Variants in RPAP2 observed in about 807,000 individuals in gnomAD.
RPAP2 encodes the protein putative RNA polymerase II subunit B1 CTD phosphatase RPAP2.
A neutral mutation model predicts 73.1 loss-of-function variants in RPAP2; 52 were observed. The observed-to-expected ratio is 0.71, with a 90% CI of 0.57 to 0.90. The LOEUF is 0.90. RPAP2 is among the 40% of genes least tolerant of loss of function. The pLI is 0.00. For synonymous variants in RPAP2, 225 were observed against 242.1 expected (o/e 0.93, Z 0.65); for missense variants, 598 against 701.8 (o/e 0.85, Z 1.67).
chr1:92,397,008 G>A lies in RPAP2; in HGVS notation c.*9997G>A, dbSNP rs1448735379. On this transcript the variant is annotated 3_prime_UTR_variant, in exon 13 of 13. Coordinates refer to ENST00000610020, the MANE Select transcript of RPAP2 (RefSeq NM_024813.3). ...CACTTAAAACAGGTAAAGTTTATGT[G>A]TATAAATTATACCTTAATAAAGCTA... The A allele has an allele frequency of 2.0e-5, 3 of 152,140 alleles. No individual in the cohort carries two copies. The highest frequency in any genetic ancestry group is 4.4e-5 in the Non-Finnish European group (3 of 68,034). The allele number at this position is 152,140 out of a possible 1,614,324, so 9.4% of individuals were successfully genotyped here.
Position 92,375,077 on chromosome 1 carries a change from G to C in RPAP2, c.1689-5647G>C, listed in dbSNP as rs905403951. On this transcript the variant is annotated intron_variant, in intron 11 of 12. Coordinates refer to ENST00000610020, the MANE Select transcript of RPAP2 (RefSeq NM_024813.3). ...CTGGAAAACATAAAGATTATATATAGACCTTATTCAATTTTGAATGTAAAT... is the reference window on the plus strand; with the variant it reads ...CTGGAAAACATAAAGATTATATATACACCTTATTCAATTTTGAATGTAAAT... 2.0e-5 allele frequency among the ~76,000 whole-genome samples: 3 copies of C among 152,028 alleles called. No individual in the cohort carries two copies. The South Asian group carries it at 6.2e-4, about 32-fold the overall frequency.
chr1:92,375,869 G>A (rs1412475466), intron 11 of RPAP2, among the ~76,000 whole-genome samples: 3 of 150,852 alleles, frequency 2.0e-5, no homozygotes, highest in Non-Finnish European at 3.0e-5. Flanking sequence ...GTGTGGTGGC[G>A]CTCACCTGTA....
intron 11 of RPAP2, among the ~76,000 whole-genome samples, chr1:92,371,700 A>G (rs1394568750): frequency 2.6e-5 from 4 of 151,818 alleles, no homozygotes; most frequent in African/African-American, 9.7e-5. Flanking sequence ...AAATACAAAT[A>G]CTGCACAATC....
intron 11 of RPAP2, among the ~76,000 whole-genome samples, chr1:92,372,215 G>C (rs1655186198): frequency 2.0e-5 from 3 of 152,072 alleles, no homozygotes; most frequent in Admixed American, 2.0e-4. Flanking sequence ...AGAATGAAAA[G>C]AATTTCCTCT....
At chr1:92,299,413 G>A (rs555542118) in intron 1 of RPAP2, among the ~76,000 whole-genome samples, 24 of 152,222 alleles carry the variant, frequency 1.6e-4, no homozygotes, top group Non-Finnish European at 3.1e-4. Context: ...TGGAGGCCCC[G>A]GGAACCCAGG....
chr1:92,299,428 G>T (rs1650621144), intron 1 of RPAP2, among the ~76,000 whole-genome samples: 1 of 152,126 alleles, frequency 6.6e-6, no homozygotes, highest in African/African-American at 2.4e-5. Context: ...CCCAGGCCTG[G>T]GGTCCCCGGG....
At chr1:92,314,300 G>A (rs1651772668) in intron 6 of RPAP2, among the ~76,000 whole-genome samples, 1 of 149,318 alleles carries the variant, frequency 6.7e-6, no homozygotes, top group Admixed American at 6.7e-5. Flanking sequence ...AGAGGCCATT[G>A]TAAGGGTTTT....
At chr1:92,359,422 C>T (rs1654632994) in intron 11 of RPAP2, among the ~76,000 whole-genome samples, 1 of 152,212 alleles carries the variant, frequency 6.6e-6, no homozygotes. Flanking sequence ...CAGGTTCAAG[C>T]AATTCTCCGG....
At chr1:92,305,823 C>A (rs1377805748) in intron 5 of RPAP2, among the ~76,000 whole-genome samples, 1 of 152,144 alleles carries the variant, frequency 6.6e-6, no homozygotes, top group African/African-American at 2.4e-5. Context: ...GTTAGGAAAT[C>A]TTTTTGCAAC....
chr1:92,337,323 C>T (rs1653335890), intron 10 of RPAP2, among the ~76,000 whole-genome samples: 1 of 152,124 alleles, frequency 6.6e-6, no homozygotes, highest in African/African-American at 2.4e-5. Context: ...CAGTCACATA[C>T]TGTACATTAG....
At chr1:92,342,484 T>G (rs1653652575) in intron 10 of RPAP2, among the ~76,000 whole-genome samples, 1 of 152,170 alleles carries the variant, frequency 6.6e-6, no homozygotes, top group Non-Finnish European at 1.5e-5. Flanking sequence ...TGACCTTTAC[T>G]CTGAGTGAGA....
At chr1:92,362,168 A>G in intron 11 of RPAP2, among the ~76,000 whole-genome samples, 1 of 152,218 alleles carries the variant, frequency 6.6e-6, no homozygotes. Flanking sequence ...AGGTGTATTA[A>G]GAGTGCTCGT....
At chr1:92,312,400 C>G (rs1489059647) in intron 6 of RPAP2, among the ~76,000 whole-genome samples, 4 of 138,058 alleles carry the variant, frequency 2.9e-5, no homozygotes, top group Non-Finnish European at 6.2e-5. Context: ...GCCTTGGCAA[C>G]AGAGCAAGAC....
intron 11 of RPAP2, among the ~76,000 whole-genome samples, chr1:92,353,780 G>A (rs547975028): frequency 6.1e-4 from 93 of 152,230 alleles, no homozygotes; most frequent in Non-Finnish European, 1.1e-3. Flanking sequence ...ATTGCTGAGA[G>A]TTTATGTAAG....
chr1:92,334,650 C>G (rs1053177168), intron 9 of RPAP2, among the ~76,000 whole-genome samples: 1 of 151,838 alleles, frequency 6.6e-6, no homozygotes, highest in African/African-American at 2.4e-5. Flanking sequence ...GAGTTCAAGA[C>G]CAGCCTGGGC....
chr1:92,374,649 T>C (rs975135858), intron 11 of RPAP2, among the ~76,000 whole-genome samples: 1 of 152,148 alleles, frequency 6.6e-6, no homozygotes, highest in African/African-American at 2.4e-5. Flanking sequence ...ATCAAAACCA[T>C]AGTAGGCGGA....
At chr1:92,363,807 A>AT (rs887393724) in intron 11 of RPAP2, 36 of 272,146 alleles carry the variant, frequency 1.3e-4, no homozygotes, top group South Asian at 2.3e-4. Context: ...TTTGCTTAAC[A>AT]TTTTTTTTCC....
rs1653091326 is a variant in RPAP2 at position 92,333,431 on chromosome 1, A to G, written c.1496A>G (p.Asn499Ser). 1 of 1,613,754 alleles carries G rather than the reference A, an allele frequency of 6.2e-7. No homozygotes were observed. The highest frequency in any genetic ancestry group is 8.5e-7 in the Non-Finnish European group (1 of 1,179,732). Residue 499 changes from asparagine to serine, a missense_variant, in exon 9 of 13, where the codon AAC becomes AGC. Physicochemically the swap from Asn to Ser is conservative, Grantham distance 46. Around this residue, in one of 3 missense-constraint regions of RPAP2, gnomAD observed 506 missense variants for 612.8 expected, o/e 0.83. Transcript: ENST00000610020. Reference protein sequence around the residue: ...TFPLIDSSSQNQIRKRIVLEK... With the variant: ...TFPLIDSSSQSQIRKRIVLEK... Reference sequence around the variant, plus strand: ...CCACTGATAGACTCAAGTTCCCAGAACCAGATTAGAAAACGCATCGTACTT... The same window carrying G: ...CCACTGATAGACTCAAGTTCCCAGAGCCAGATTAGAAAACGCATCGTACTT...
At position 92,380,884 on chromosome 1, in the gene RPAP2, T is replaced by C; in HGVS notation, c.1838+11T>C. ...CTGTTTACCAGAGTGGTAAGTTGGA[T>C]TGTGTTTTATTTTGGTTTTTATTCT... On this transcript the variant is annotated intron_variant, in intron 12 of 12. Transcript: ENST00000610020. 2 of 1,545,778 alleles carry C rather than the reference T, an allele frequency of 1.3e-6. No homozygotes were observed. The highest frequency in any genetic ancestry group is 1.3e-5 in the South Asian group (1 of 79,820).
Sources: allele counts gnomAD v4.1 joint callset (sites outside exome capture counted in the v4.1 genomes callset), GRCh38; gene constraint gnomAD v4.1.1; regional missense constraint gnomAD v4.1.1; transcripts MANE v1.5; gene names NCBI Gene and HGNC (gene_info 2026-07-23, HGNC 2026-07-21).